The following CADPS variants were observed in gnomAD, a reference collection of about 807,000 sequenced individuals.
CADPS encodes calcium-dependent secretion activator 1.
A neutral mutation model predicts 167.3 loss-of-function variants in CADPS; 57 were observed. The observed-to-expected ratio is 0.34, with a 90% CI of 0.28 to 0.42. The LOEUF (loss-of-function observed/expected upper bound fraction) is 0.42, where lower values mean the gene tolerates loss of function less well. Ranked by LOEUF, CADPS falls within the 20% of genes least tolerant of loss-of-function variation. CADPS has a pLI of 1.00. For synonymous variants in CADPS, 676 were observed against 635.3 expected, an observed-to-expected ratio of 1.06 and a Z score of -0.96; for missense variants, 1,414 against 1,738.1, an observed-to-expected ratio of 0.81 and a Z score of 3.32.
At chr3:62,642,690 C>A (rs1013519461) in intron 6 of CADPS, among the ~76,000 whole-genome samples, 2 of 152,146 alleles carry the variant, frequency 1.3e-5, no homozygotes, top group Admixed American at 6.5e-5. Flanking sequence ...GGGCAGGTCA[C>A]TTGAGCCCAA....
chr3:62,691,546 C>A (rs531053948), intron 3 of CADPS, among the ~76,000 whole-genome samples: 8 of 152,118 alleles, frequency 5.3e-5, no homozygotes, highest in African/African-American at 1.9e-4. Context: ...ATGGTGCTTC[C>A]TTTCCTGGAG....
chr3:62,547,433 G>A (rs997556824), intron 11 of CADPS, among the ~76,000 whole-genome samples: 6 of 152,100 alleles, frequency 3.9e-5, no homozygotes, highest in Non-Finnish European at 2.9e-5. Context: ...GCTCTCTGAA[G>A]AACTCCCGTT....
Position 62,403,090 on chromosome 3 carries a change from C to A in CADPS, c.3873G>T (p.Arg1291Ser), listed in dbSNP as rs1707013032. The change falls in exon 29 of 30, where the codon AGG (arginine) becomes AGT (serine). Residue 1291 changes from arginine (R) to serine (S), a missense_variant. Physicochemically the swap from Arg to Ser is moderately radical, Grantham distance 110 (BLOSUM62 -1). This residue lies in a region of CADPS where 185 missense variants were observed against 251.5 expected (regional missense o/e 0.74). Transcript: ENST00000383710. The part of the protein sequence containing the change: ...LHIYQLKTLI[R>S]MVKKTYRDFR... ...TAATCTTTTCTTTTACCTTTACCAT[C>A]CTAATTAGTGTTTTCAACTGATAAA... is the stretch of plus-strand genomic sequence containing the variant. 1.3e-6 allele frequency: 2 copies of A among 1,593,146 alleles called. No homozygotes were observed. Among genetic ancestry groups the A allele is most frequent in the African/African-American group, 1.3e-5 (1 of 74,578 alleles).
intron 1 of CADPS, among the ~76,000 whole-genome samples, chr3:62,852,958 TAA>T (rs918284470): frequency 4.5e-4 from 68 of 152,364 alleles, no homozygotes; most frequent in African/African-American, 1.6e-3. Flanking sequence ...AAAAAATGTT[TAA>T]AAGATACTTG....
In CADPS at chr3:62,446,098, G is replaced by T. The variant is rs72887728; in HGVS notation, c.3637-301C>A. On this transcript the variant is annotated intron_variant, in intron 26 of 29. Transcript: ENST00000383710. This position sits in a 1 kb window ranked among gnomAD's most constrained non-coding sequence, Gnocchi z 4.9. ...TAAAGTGACTAGCTAAACCCACATG[G>T]ATTAGTCCGGGGCTTACCAGTCTAG... is the stretch of plus-strand genomic sequence containing the variant. 2.0e-5 allele frequency among the ~76,000 whole-genome samples: 3 copies of T among 152,308 alleles called. No homozygotes were observed. Among genetic ancestry groups the T allele is most frequent in the Non-Finnish European group, 2.9e-5 (2 of 68,024 alleles).
intron 27 of CADPS, among the ~76,000 whole-genome samples, chr3:62,444,835 T>C (rs1438214911): frequency 1.3e-5 from 2 of 152,194 alleles, no homozygotes; most frequent in Non-Finnish European, 2.9e-5. Context: ...AAACAAATTT[T>C]AACAAATAAG....
chr3:62,504,991 T>C (rs2066406419), intron 17 of CADPS, among the ~76,000 whole-genome samples: 1 of 152,146 alleles, frequency 6.6e-6, no homozygotes, highest in Non-Finnish European at 1.5e-5. Flanking sequence ...TTCCAGCCTA[T>C]TGATGTGTTG....
chr3:62,564,372 T>C (rs540159989), intron 9 of CADPS, among the ~76,000 whole-genome samples: 2 of 152,264 alleles, frequency 1.3e-5, no homozygotes, highest in African/African-American at 4.8e-5. Flanking sequence ...CTCTGAGCCT[T>C]AGTTTCCTCT....
intron 1 of CADPS, among the ~76,000 whole-genome samples, chr3:62,776,053 C>T (rs9864122): frequency 0.23 from 35,358 of 152,068 alleles, 4,352 homozygotes; most frequent in Middle Eastern, 0.31. Flanking sequence ...GAGAAAAAAG[C>T]ATATAATGTC....
intron 11 of CADPS, among the ~76,000 whole-genome samples, chr3:62,543,637 A>G (rs1471102451): frequency 2.0e-5 from 3 of 152,124 alleles, no homozygotes; most frequent in African/African-American, 7.2e-5. Flanking sequence ...AAAGAAAGAA[A>G]GGGAGGAAAA....
chr3:62,425,903 T>C (rs963516739), intron 28 of CADPS, among the ~76,000 whole-genome samples: 4 of 151,886 alleles, frequency 2.6e-5, no homozygotes, highest in African/African-American at 9.7e-5. Context: ...CATCTGTAGA[T>C]TAAGCCCAGT....
At chr3:62,588,319 C>T (rs1262803822) in intron 7 of CADPS, among the ~76,000 whole-genome samples, 1 of 138,372 alleles carries the variant, frequency 7.2e-6, no homozygotes, top group Non-Finnish European at 1.6e-5. Flanking sequence ...TTTTTCCTAG[C>T]AGAACACTTC....
At chr3:62,489,537 G>A (rs1366123090) in intron 21 of CADPS, among the ~76,000 whole-genome samples, 1 of 152,202 alleles carries the variant, frequency 6.6e-6, no homozygotes, top group Non-Finnish European at 1.5e-5. Flanking sequence ...ACAATTCTCA[G>A]ACACTGGACA....
chr3:62,436,907 A>G (rs2055186786), intron 28 of CADPS, among the ~76,000 whole-genome samples: 1 of 152,170 alleles, frequency 6.6e-6, no homozygotes, highest in Non-Finnish European at 1.5e-5. Flanking sequence ...CGAGGAAAGC[A>G]AATGAGCTGG....
intron 21 of CADPS, among the ~76,000 whole-genome samples, chr3:62,484,240 TGTA>T (rs1417822243): frequency 3.3e-5 from 5 of 152,150 alleles, no homozygotes; most frequent in Non-Finnish European, 7.4e-5. Flanking sequence ...AGAAAAATAA[TGTA>T]GTGTATTACT....
chr3:62,722,890 G>C (rs1464770302), intron 3 of CADPS, among the ~76,000 whole-genome samples: 1 of 152,100 alleles, frequency 6.6e-6, no homozygotes, highest in Non-Finnish European at 1.5e-5. Flanking sequence ...CTGGCCTTTG[G>C]CCTCTACTAG....
chr3:62,599,622 A>C (rs2059431716), intron 6 of CADPS, among the ~76,000 whole-genome samples: 1 of 43,974 alleles, frequency 2.3e-5, no homozygotes, highest in Non-Finnish European at 4.0e-5. Context: ...TATATATAAT[A>C]TATAATATAA....
At chr3:62,635,764 A>C (rs1459135881) in intron 6 of CADPS, among the ~76,000 whole-genome samples, 1 of 151,330 alleles carries the variant, frequency 6.6e-6, no homozygotes, top group African/African-American at 2.4e-5. Flanking sequence ...GGTCATCAGT[A>C]CTCTGAAGAG....
In CADPS at chr3:62,828,637, G is replaced by A. The variant is rs141835140; in HGVS notation, c.441+45952C>T. ...TTTAATTATATATTCACAGTTGAGG[G>A]CCAAATTTGATGTTATCAAAAGCAT... On this transcript the variant is annotated intron_variant, in intron 1 of 29. Coordinates refer to ENST00000383710, the MANE Select transcript of CADPS (RefSeq NM_003716.4). Among the ~76,000 whole-genome samples, 286 of 151,986 alleles carry A rather than the reference G, an allele frequency of 1.9e-3. 4 individuals carry two copies. The highest frequency in any genetic ancestry group is 6.5e-3 in the African/African-American group (271 of 41,438).
Sources: gnomAD v4.1 joint callset for allele counts (sites outside exome capture counted in the v4.1 genomes callset) on GRCh38, gnomAD v4.1.1 for gene constraint, gnomAD v4.1.1 regional missense constraint, Gnocchi (gnomAD v3.1) non-coding constraint, MANE v1.5 for transcripts, NCBI Gene and HGNC (gene_info 2026-07-23, HGNC 2026-07-21) for gene names.